The following IGF2BP2 variants were observed in gnomAD, a reference collection of about 807,000 sequenced individuals.
IGF2BP2 encodes insulin-like growth factor 2 mRNA-binding protein 2.
In IGF2BP2, 17 loss-of-function variants were observed where a neutral mutation model predicts 75.8. That is an observed-to-expected ratio of 0.22 (90% confidence interval 0.15 to 0.34). IGF2BP2 has a LOEUF of 0.34. Ranked by LOEUF, IGF2BP2 falls within the 10% of genes least tolerant of loss-of-function variation. The pLI, the probability that IGF2BP2 is intolerant of heterozygous loss-of-function variation, is 1.00. For synonymous variants in IGF2BP2, 288 were observed against 295.6 expected (o/e 0.97, Z 0.26); for missense variants, 516 against 772.4 (o/e 0.67, Z 3.93).
At chr3:185,783,297 G>A (rs1399813317) in intron 2 of IGF2BP2, among the ~76,000 whole-genome samples, 2 of 152,168 alleles carry the variant, frequency 1.3e-5, no homozygotes, top group African/African-American at 4.8e-5. Context: ...AGAAGGTCAT[G>A]GAAGGCCTAA....
chr3:185,645,879 C>T lies in IGF2BP2; in HGVS notation c.1708-256G>A, dbSNP rs997547922. On this transcript the variant is annotated intron_variant, in intron 15 of 15. Coordinates refer to ENST00000382199, the MANE Select transcript of IGF2BP2 (RefSeq NM_006548.6). This position sits in a 1 kb window ranked among gnomAD's most constrained non-coding sequence, Gnocchi z 4.9. ...CGGCAGCTTCCAGTTCACTGCTGGA[C>T]GGACAGGCCAGGAAGCAGAAGCAGG... is the stretch of plus-strand genomic sequence containing the variant. Among the ~76,000 whole-genome samples, 11 of 152,150 alleles carry T rather than the reference C, an allele frequency of 7.2e-5. No homozygotes were observed. The highest frequency in any genetic ancestry group is 1.7e-4 in the African/African-American group (7 of 41,438).
chr3:185,785,170 G>A (rs763227249), intron 2 of IGF2BP2, among the ~76,000 whole-genome samples: 31 of 151,632 alleles, frequency 2.0e-4, no homozygotes, highest in Non-Finnish European at 3.8e-4. Context: ...GTATGGTGAC[G>A]CACACCTGTA....
chr3:185,746,166 C>T (rs951924638), intron 2 of IGF2BP2, among the ~76,000 whole-genome samples: 4 of 152,160 alleles, frequency 2.6e-5, no homozygotes, highest in African/African-American at 9.7e-5. Flanking sequence ...CACATATATA[C>T]AAATTCAATT....
intron 2 of IGF2BP2, among the ~76,000 whole-genome samples, chr3:185,759,199 G>A (rs1732030191): frequency 6.6e-6 from 1 of 152,124 alleles, no homozygotes; most frequent in Admixed American, 6.6e-5. Flanking sequence ...CACAATCAGA[G>A]AAGGAAATGG....
intron 2 of IGF2BP2, among the ~76,000 whole-genome samples, chr3:185,805,251 G>C (rs1738858272): frequency 6.6e-6 from 1 of 152,082 alleles, no homozygotes; most frequent in African/African-American, 2.4e-5. Context: ...ACTAGAGTTA[G>C]CACATATCCA....
At chr3:185,695,556 A>T (rs1722471445) in intron 4 of IGF2BP2, among the ~76,000 whole-genome samples, 1 of 152,176 alleles carries the variant, frequency 6.6e-6, no homozygotes, top group African/African-American at 2.4e-5. Context: ...AATCTTTATC[A>T]TGTATTATTG....
intron 2 of IGF2BP2, among the ~76,000 whole-genome samples, chr3:185,780,357 G>A (rs1735051391): frequency 6.6e-6 from 1 of 152,192 alleles, no homozygotes; most frequent in Non-Finnish European, 1.5e-5. Flanking sequence ...CTTATCACCT[G>A]TGGGACAAAT....
intron 2 of IGF2BP2, among the ~76,000 whole-genome samples, chr3:185,778,609 C>T (rs375675811): frequency 6.6e-6 from 1 of 152,192 alleles, no homozygotes; most frequent in African/African-American, 2.4e-5. Flanking sequence ...GTCTCATTAT[C>T]AGGATGGCAC....
chr3:185,795,119 G>A (rs916609582), intron 2 of IGF2BP2, among the ~76,000 whole-genome samples: 3 of 151,928 alleles, frequency 2.0e-5, no homozygotes, highest in Admixed American at 6.6e-5. Context: ...GGATGGTCTC[G>A]ATCTCCTGAC....
At chr3:185,800,802 T>C (rs1028357889) in intron 2 of IGF2BP2, among the ~76,000 whole-genome samples, 3 of 152,050 alleles carry the variant, frequency 2.0e-5, no homozygotes, top group Admixed American at 6.6e-5. Flanking sequence ...GACATAGGCA[T>C]GTGCAAAGAT....
intron 2 of IGF2BP2, among the ~76,000 whole-genome samples, chr3:185,789,206 G>A (rs1005949317): frequency 1.3e-5 from 2 of 152,162 alleles, no homozygotes; most frequent in African/African-American, 2.4e-5. Flanking sequence ...AGTTGTTTGA[G>A]CTGAGTTCCA....
chr3:185,804,305 G>A (rs1260382595), intron 2 of IGF2BP2, among the ~76,000 whole-genome samples: 4 of 151,012 alleles, frequency 2.6e-5, no homozygotes, highest in African/African-American at 7.3e-5. Context: ...GGTGGTGCAC[G>A]CCTGTAATCC....
intron 7 of IGF2BP2, among the ~76,000 whole-genome samples, chr3:185,676,774 G>A (rs1029169508): frequency 1.5e-5 from 2 of 137,024 alleles, no homozygotes; most frequent in African/African-American, 5.3e-5. Context: ...TATATATGGA[G>A]ATATATATTT....
At chr3:185,686,715 T>C (rs974586699) in intron 7 of IGF2BP2, among the ~76,000 whole-genome samples, 2 of 152,092 alleles carry the variant, frequency 1.3e-5, no homozygotes, top group East Asian at 3.9e-4. Context: ...AATAGCAACA[T>C]GTGGCTATTG....
intron 2 of IGF2BP2, among the ~76,000 whole-genome samples, chr3:185,798,130 C>T (rs1737686626): frequency 6.6e-6 from 1 of 152,054 alleles, no homozygotes; most frequent in South Asian, 2.1e-4. Flanking sequence ...GAACCCAGGA[C>T]ATGGATGTTG....
intron 10 of IGF2BP2, among the ~76,000 whole-genome samples, chr3:185,668,502 G>GATATAT (rs1222754072): frequency 1.1e-4 from 14 of 126,818 alleles, no homozygotes; most frequent in African/African-American, 3.4e-4. Flanking sequence ...GAGAGAGAGA[G>GATATAT]AGAGAGATAT....
intron 2 of IGF2BP2, among the ~76,000 whole-genome samples, chr3:185,718,622 T>C (rs909957977): frequency 2.8e-5 from 4 of 143,774 alleles, no homozygotes; most frequent in Admixed American, 7.2e-5. Flanking sequence ...GAGGTGGAGG[T>C]TGTGGTGAGC....
At chr3:185,805,893 C>T (rs551247570) in intron 2 of IGF2BP2, among the ~76,000 whole-genome samples, 1 of 151,754 alleles carries the variant, frequency 6.6e-6, no homozygotes, top group South Asian at 2.1e-4. Context: ...GCCTCAGCCT[C>T]CCAAGTAGCT....
chr3:185,767,777 G>T (rs1466833565), intron 2 of IGF2BP2: 1 of 154,106 alleles, frequency 6.5e-6, no homozygotes, highest in Admixed American at 6.6e-5. Flanking sequence ...ATGATTTCAT[G>T]TACTGTTCAG....
Sources: gnomAD v4.1 joint callset for allele counts (sites outside exome capture counted in the v4.1 genomes callset) on GRCh38, gnomAD v4.1.1 for gene constraint, Gnocchi (gnomAD v3.1) non-coding constraint, MANE v1.5 for transcripts, NCBI Gene and HGNC (gene_info 2026-07-23, HGNC 2026-07-21) for gene names.